Variants in GAS2L1 observed in about 807,000 individuals in gnomAD.
The protein encoded by GAS2L1 is GAS2-like protein 1.
A neutral mutation model predicts 44.0 loss-of-function variants in GAS2L1; 26 were observed. The ratio of observed to expected loss-of-function variants is 0.59; its 90% CI spans 0.43 to 0.82. The LOEUF (loss-of-function observed/expected upper bound fraction) is 0.82, where lower values mean the gene tolerates loss of function less well. Among genes scored for constraint, GAS2L1 ranks in the 40% least tolerant of loss-of-function variants. GAS2L1 has a pLI of 0.00. For synonymous variants in GAS2L1, 426 were observed against 415.9 expected (o/e 1.02, Z -0.30); for missense variants, 1,006 against 983.0 (o/e 1.02, Z -0.31).
exon 1 of GAS2L1, chr22:29,307,912 T>A (rs1212785419): frequency 2.2e-6 from 1 of 447,532 alleles, no homozygotes; most frequent in East Asian, 3.4e-5. Context: ...GCAGGGAATG[T>A]TACTGTACCC....
chr22:29,311,101 G>T, intron 4 of GAS2L1, 103 bp downstream of exon 5: 1 of 1,174,368 alleles, frequency 8.5e-7, no homozygotes. Context: ...CTCACACCCT[G>T]GGAAAAGTTC....
At chr22:29,311,780 T>G (rs1451196918) in exon 5 of GAS2L1, 10 of 1,560,264 alleles carry the variant, frequency 6.4e-6, no homozygotes, top group Non-Finnish European at 8.6e-7. Context: ...AGGAGCAGGC[T>G]GTGCTGCTTG....
chr22:29,310,511 C>G, exon 2 of GAS2L1: 1 of 1,611,150 alleles, frequency 6.2e-7, no homozygotes, highest in Non-Finnish European at 8.5e-7. Flanking sequence ...GGGGAAGTAC[C>G]GTGTGGGGGA....
In GAS2L1 at chr22:29,311,037, G is replaced by GT. The variant is rs763360466; in HGVS notation, c.1010+40dup. The GT allele has an allele frequency of 1.3e-3, 2,042 of 1,574,264 alleles. 3 individuals carry two copies. Among genetic ancestry groups the GT allele is most frequent in the Non-Finnish European group, 1.5e-3 (1,724 of 1,156,624 alleles). On this transcript the variant is annotated intron_variant, in intron 4 of 4. Coordinates refer to ENST00000618518, the Ensembl canonical transcript of GAS2L1. Reference sequence around the variant, plus strand: ...GGACGAGGAGTGAGGGGTCCAGAGGGTGGGGGGGCGTCAGCCCTGGCCTGC... The same window carrying GT: ...GGACGAGGAGTGAGGGGTCCAGAGGGTTGGGGGGGCGTCAGCCCTGGCCTGC...
chr22:29,309,938 C>T (rs890203254), intron 1 of GAS2L1, among the ~76,000 whole-genome samples: 15 of 152,150 alleles, frequency 9.9e-5, no homozygotes, highest in African/African-American at 3.6e-4. Context: ...GCTCCCTGGA[C>T]CCAGAGAGCC....
At chr22:29,311,486 T>A in exon 5 of GAS2L1, 9 of 1,453,384 alleles carry the variant, frequency 6.2e-6, no homozygotes, top group Non-Finnish European at 7.4e-6. Context: ...TGCCCCCCCA[T>A]CCCCGCTCCC....
At chr22:29,307,241 G>C (rs2061358958) in exon 1 of GAS2L1, 1 of 152,460 alleles carries the variant, frequency 6.6e-6, no homozygotes, top group African/African-American at 2.4e-5. Flanking sequence ...CTCGGCCTCT[G>C]TTCCCCGGGG....
exon 1 of GAS2L1, chr22:29,308,493 C>T (rs755917216): frequency 6.2e-7 from 1 of 1,608,810 alleles, no homozygotes; most frequent in Non-Finnish European, 8.5e-7. Context: ...CCTGGTGCTG[C>T]GCAAGAACGA....
chr22:29,310,764 C>T lies in GAS2L1; in HGVS notation c.838+30C>T, dbSNP rs749259779. 22 of 1,604,664 alleles carry T rather than the reference C, an allele frequency of 1.4e-5. 1 individual carries two copies. The Admixed American group carries it at 1.5e-4, about 11-fold the overall frequency. On this transcript the variant is annotated intron_variant, in intron 3 of 4. Coordinates refer to ENST00000618518, the Ensembl canonical transcript of GAS2L1. Reference sequence around the variant, plus strand: ...GTGCCAGGGTGGGGCTGGGGCTGGACGGGCAGGGGACTTGCTTCTGTGGCT... The same window carrying T: ...GTGCCAGGGTGGGGCTGGGGCTGGATGGGCAGGGGACTTGCTTCTGTGGCT...
chr22:29,308,100 C>A, exon 1 of GAS2L1: 2 of 1,541,190 alleles, frequency 1.3e-6, no homozygotes, highest in South Asian at 2.5e-5. Flanking sequence ...CTCGGCCGGT[C>A]CGGGCATGGC....
At chr22:29,308,060 G>T (rs771175741) in exon 1 of GAS2L1, 15 of 1,483,222 alleles carry the variant, frequency 1.0e-5, no homozygotes, top group Non-Finnish European at 1.3e-5. Context: ...TCCCCACAGC[G>T]ATCCTGAACT....
At chr22:29,312,210 G>A in exon 5 of GAS2L1, 1 of 1,613,032 alleles carries the variant, frequency 6.2e-7, no homozygotes, top group African/African-American at 1.3e-5. Flanking sequence ...TGGCCGGACG[G>A]CCAATGGGCT....
exon 1 of GAS2L1, chr22:29,308,351 C>A: frequency 6.2e-7 from 1 of 1,604,828 alleles, no homozygotes; most frequent in Non-Finnish European, 8.5e-7. Context: ...CCCGCCCGGC[C>A]CGAGGTGTGG....
exon 1 of GAS2L1, chr22:29,308,559 C>T (rs1279437307): frequency 6.3e-7 from 1 of 1,599,002 alleles, no homozygotes; most frequent in Non-Finnish European, 8.5e-7. Flanking sequence ...ACGCCTGGGC[C>T]TGCTGGCCCC....
At chr22:29,310,404 G>T in intron 1 of GAS2L1, 35 bp from the exon 3 acceptor site, 1 of 1,195,786 alleles carries the variant, frequency 8.4e-7, no homozygotes, top group South Asian at 1.3e-5. Context: ...AGGAGGACTT[G>T]ACCTCTGACC....
In GAS2L1 at chr22:29,312,366, C is replaced by T. The variant is rs372947831; in HGVS notation, c.1915C>T (p.Gln639Ter). ...CTGGGCACGGGGTCGGATGGACACACAGCCAGACCGTAAACCCTCACGTAT... is the reference window on the plus strand; with the variant it reads ...CTGGGCACGGGGTCGGATGGACACATAGCCAGACCGTAAACCCTCACGTAT... The change falls in exon 5 of 5, where the codon CAG becomes TAG. Residue 639 changes from glutamine to a stop codon, truncating the protein, a stop_gained. Transcript: ENST00000618518. LOFTEE classifies it high-confidence loss of function. The T allele has an allele frequency of 4.4e-6, 7 of 1,603,608 alleles. No homozygotes were observed. The African/African-American group carries it at 8.0e-5, about 18-fold the overall frequency.
At chr22:29,310,788 C>T in intron 3 of GAS2L1, 39 bp from the exon 5 acceptor site, 1 of 1,605,976 alleles carries the variant, frequency 6.2e-7, no homozygotes. Context: ...GCTTCTGTGG[C>T]TCTGTCCCTC....
At chr22:29,312,108 C>T in exon 5 of GAS2L1, 1 of 1,612,836 alleles carries the variant, frequency 6.2e-7, no homozygotes, top group Non-Finnish European at 8.5e-7. Flanking sequence ...GGCCCCCGAC[C>T]CTCCAGCTCC....
Position 29,308,652 on chromosome 22 carries a change from G to A in GAS2L1, c.547G>A (p.Asp183Asn), listed in dbSNP as rs201596421. The stretch of plus-strand genomic sequence containing the variant: ...CCCCAACGCCCCTGCCGCTGGGGAG[G>A]ACACCACTGAAACCGCCCCCGCACC... Residue 183 changes from aspartate (D) to asparagine (N), a missense_variant, in exon 1 of 5, where the codon GAC becomes AAC. Asp to Asn is a conservative substitution (Grantham distance 23). Transcript: ENST00000618518. 2.7e-5 allele frequency: 42 copies of A among 1,560,398 alleles called. No homozygotes were observed. In the Admixed American group the frequency reaches 7.4e-4, roughly 27 times the overall value.
Sources: gnomAD v4.1 joint callset for allele counts (sites outside exome capture counted in the v4.1 genomes callset) on GRCh38, gnomAD v4.1.1 for gene constraint, MANE v1.5 for transcripts, NCBI Gene and HGNC (gene_info 2026-07-23, HGNC 2026-07-21) for gene names.